The following SLC36A1 variants were observed in gnomAD, a reference collection of about 807,000 sequenced individuals.
SLC36A1 encodes proton-coupled amino acid transporter 1.
SLC36A1 carries 30 observed loss-of-function variants against 47.5 expected under a neutral mutation model. The observed-to-expected ratio is 0.63, with a 90% CI of 0.47 to 0.86. The LOEUF is 0.86. Among genes scored for constraint, SLC36A1 ranks in the 40% least tolerant of loss-of-function variants. The pLI is 0.00. For synonymous variants in SLC36A1, 255 were observed against 249.7 expected (o/e 1.02, Z -0.20); for missense variants, 517 against 606.0 (o/e 0.85, Z 1.54).
At chr5:151,417,649 T>C in the SLC36A1 span, among the ~76,000 whole-genome samples, 1 of 152,336 alleles carries the variant, frequency 6.6e-6, no homozygotes, top group East Asian at 1.9e-4. Context: ...TTCAGTTTTA[T>C]GTATTCATAA....
At chr5:151,544,208 C>A in the SLC36A1 span, 1 of 1,614,198 alleles carries the variant, frequency 6.2e-7, no homozygotes, top group South Asian at 1.1e-5. Flanking sequence ...TGATAAGAGA[C>A]GTCACGGTTC....
chr5:151,366,202 G>A, the SLC36A1 span, among the ~76,000 whole-genome samples: 2 of 152,162 alleles, frequency 1.3e-5, no homozygotes, highest in Non-Finnish European at 2.9e-5. Context: ...GATCTGATGG[G>A]GGTAAATGGT....
chr5:151,390,617 C>T, the SLC36A1 span, among the ~76,000 whole-genome samples: 1 of 152,170 alleles, frequency 6.6e-6, no homozygotes, highest in East Asian at 1.9e-4. Context: ...TTTCAGCTTT[C>T]TACATATGGC....
the SLC36A1 span, among the ~76,000 whole-genome samples, chr5:151,546,580 A>G: frequency 6.6e-6 from 1 of 152,240 alleles, no homozygotes; most frequent in Non-Finnish European, 1.5e-5. Context: ...AACTTAAGCT[A>G]CAAACCAAAG....
the SLC36A1 span, among the ~76,000 whole-genome samples, chr5:151,347,995 C>G: frequency 6.6e-6 from 1 of 152,202 alleles, no homozygotes; most frequent in Admixed American, 6.5e-5. Flanking sequence ...AAAATACCTA[C>G]AAATCCCTCT....
the SLC36A1 span, among the ~76,000 whole-genome samples, chr5:151,413,398 G>A: frequency 7.4e-3 from 1,123 of 152,070 alleles, 20 homozygotes; most frequent in African/African-American, 0.026. Flanking sequence ...CAAAATGTCT[G>A]TCCTTAAGGA....
At chr5:151,396,531 A>G in the SLC36A1 span, among the ~76,000 whole-genome samples, 75,328 of 151,878 alleles carry the variant, frequency 0.5, 20,663 homozygotes, top group African/African-American at 0.75. Context: ...CTTTAGGGCC[A>G]TTGACTTACA....
chr5:151,519,846 T>C, the SLC36A1 span, among the ~76,000 whole-genome samples: 1 of 152,206 alleles, frequency 6.6e-6, no homozygotes, highest in Non-Finnish European at 1.5e-5. Flanking sequence ...ACCTGCTGCT[T>C]CAGAATTAAA....
chr5:151,347,350 G>T, the SLC36A1 span: 3 of 1,614,234 alleles, frequency 1.9e-6, no homozygotes, highest in South Asian at 3.3e-5. Flanking sequence ...TTTCATCCAA[G>T]AATGTAGAGT....
chr5:151,544,026 G>T, the SLC36A1 span: 1 of 1,614,182 alleles, frequency 6.2e-7, no homozygotes, highest in Non-Finnish European at 8.5e-7. Flanking sequence ...CAGACACATT[G>T]ACAACCACAA....
the SLC36A1 span, chr5:151,347,420 A>G: frequency 8.7e-6 from 14 of 1,614,100 alleles, no homozygotes; most frequent in South Asian, 3.3e-5. Flanking sequence ...TTTGATGGCA[A>G]CGGCTCCCTG....
the SLC36A1 span, among the ~76,000 whole-genome samples, chr5:151,523,860 C>T: frequency 6.6e-6 from 1 of 152,190 alleles, no homozygotes; most frequent in East Asian, 1.9e-4. Flanking sequence ...GTCCTGCCTT[C>T]CCGTCTGGGC....
the SLC36A1 span, among the ~76,000 whole-genome samples, chr5:151,399,084 A>ATATATATATATATATTTTTT: frequency 1.2e-4 from 7 of 60,036 alleles, no homozygotes; most frequent in African/African-American, 2.8e-4. Context: ...ATATATATAT[A>ATATATATATATATATTTTTT]TTTTTTTTTT....
At chr5:151,464,937 C>G in intron 4 of SLC36A1, 137 bp from the exon 5 acceptor site, 1 of 691,074 alleles carries the variant, frequency 1.4e-6, no homozygotes, top group Non-Finnish European at 2.6e-6. Flanking sequence ...TTTGAAAGCA[C>G]GAGATACAGG....
chr5:151,513,686 C>G, the SLC36A1 span, among the ~76,000 whole-genome samples: 1 of 152,008 alleles, frequency 6.6e-6, no homozygotes, highest in Admixed American at 6.6e-5. Flanking sequence ...TACACCAATC[C>G]CCTATGATAC....
At chr5:151,367,607 T>A in the SLC36A1 span, among the ~76,000 whole-genome samples, 3 of 152,150 alleles carry the variant, frequency 2.0e-5, no homozygotes, top group African/African-American at 4.8e-5. Context: ...CGTTTTACAA[T>A]CAATTTGTAC....
At chr5:151,538,301 T>C in the SLC36A1 span, among the ~76,000 whole-genome samples, 1 of 152,158 alleles carries the variant, frequency 6.6e-6, no homozygotes, top group African/African-American at 2.4e-5. Context: ...ACCCAGTCCT[T>C]TGAGGCTTTT....
the SLC36A1 span, chr5:151,505,963 C>G: frequency 6.4e-7 from 1 of 1,573,346 alleles, no homozygotes; most frequent in Non-Finnish European, 8.6e-7. Flanking sequence ...CCATTAGGCT[C>G]TGGCATCACG....
chr5:151,512,133 C>T, the SLC36A1 span: 25 of 1,593,816 alleles, frequency 1.6e-5, no homozygotes, highest in Non-Finnish European at 2.0e-5. The surrounding 1 kb of genome is among the most constrained non-coding windows in gnomAD (Gnocchi z 4.1). Context: ...CTGGGATAAA[C>T]CCTGGGTTCA....
Sources: allele counts gnomAD v4.1 joint callset (sites outside exome capture counted in the v4.1 genomes callset), GRCh38; gene constraint gnomAD v4.1.1; non-coding constraint Gnocchi (gnomAD v3.1); transcripts MANE v1.5; gene names NCBI Gene and HGNC (gene_info 2026-07-23, HGNC 2026-07-21).